DIAPH3: variants seen among roughly 807,000 people sequenced by gnomAD.
The protein encoded by DIAPH3 is protein diaphanous homolog 3.
Under a neutral mutation model 144.3 loss-of-function variants are expected in DIAPH3, and 117 were observed. The ratio of observed to expected loss-of-function variants is 0.81; its 90% CI spans 0.70 to 0.95. The LOEUF (loss-of-function observed/expected upper bound fraction) is 0.95, where lower values mean the gene tolerates loss of function less well. Among genes scored for constraint, DIAPH3 ranks in the 40% least tolerant of loss-of-function variants. The pLI, the probability that DIAPH3 is intolerant of heterozygous loss-of-function variation, is 0.00. For synonymous variants in DIAPH3, 519 were observed against 488.9 expected, an observed-to-expected ratio of 1.06 and a Z score of -0.81; for missense variants, 1,421 against 1,412.7, an observed-to-expected ratio of 1.01 and a Z score of -0.09.
At chr13:60,072,653 G>T (rs971190128) in intron 4 of DIAPH3, among the ~76,000 whole-genome samples, 4 of 151,740 alleles carry the variant, frequency 2.6e-5, no homozygotes, top group South Asian at 4.2e-4. Flanking sequence ...GTTACTAAAG[G>T]TCTCTAACAA....
intron 15 of DIAPH3, 110 bp from the exon 16 acceptor site, chr13:59,971,270 T>A (rs1436768286): frequency 2.0e-6 from 2 of 1,015,796 alleles, no homozygotes; most frequent in African/African-American, 1.6e-5. Flanking sequence ...TAATTACATA[T>A]CAGTAATTTC....
At chr13:59,802,098 A>G (rs1243197035) in intron 25 of DIAPH3, among the ~76,000 whole-genome samples, 2 of 152,216 alleles carry the variant, frequency 1.3e-5, no homozygotes, top group Non-Finnish European at 2.9e-5. Flanking sequence ...GAGAGAACCT[A>G]TTAATAAAAA....
intron 4 of DIAPH3, among the ~76,000 whole-genome samples, chr13:60,073,417 C>T (rs1197602931): frequency 6.6e-6 from 1 of 151,920 alleles, no homozygotes; most frequent in Non-Finnish European, 1.5e-5. Flanking sequence ...AAGAACTTTG[C>T]AAAATGGAAA....
At chr13:59,671,265 T>A (rs2032358979) in intron 27 of DIAPH3, among the ~76,000 whole-genome samples, 2 of 152,194 alleles carry the variant, frequency 1.3e-5, no homozygotes, top group Non-Finnish European at 2.9e-5. Flanking sequence ...GTAGGCCAAT[T>A]CTTTTCATAT....
chr13:59,763,511 C>A (rs1040449674), intron 27 of DIAPH3, among the ~76,000 whole-genome samples: 1 of 151,784 alleles, frequency 6.6e-6, no homozygotes, highest in African/African-American at 2.4e-5. Flanking sequence ...ACTCTGTCTT[C>A]ACAAAAAATA....
intron 20 of DIAPH3, among the ~76,000 whole-genome samples, chr13:59,895,430 GA>G (rs529308484): frequency 0.052 from 3,932 of 75,860 alleles, 92 homozygotes; most frequent in East Asian, 0.15. Flanking sequence ...AATGTTAAAG[GA>G]AAAAAAAAAA....
chr13:60,084,024 A>G (rs1381430797), intron 4 of DIAPH3, among the ~76,000 whole-genome samples: 1 of 151,268 alleles, frequency 6.6e-6, no homozygotes, highest in East Asian at 1.9e-4. Context: ...ATAGATAGAT[A>G]GATAGATAGA....
intron 4 of DIAPH3, among the ~76,000 whole-genome samples, chr13:60,089,776 T>C (rs927380177): frequency 1.3e-5 from 2 of 152,236 alleles, no homozygotes; most frequent in African/African-American, 2.4e-5. Context: ...CAGCGCCTTG[T>C]AGTACCTCTC....
intron 27 of DIAPH3, among the ~76,000 whole-genome samples, chr13:59,714,335 G>A (rs566513923): frequency 6.0e-5 from 8 of 133,998 alleles, no homozygotes; most frequent in Non-Finnish European, 3.1e-5. Context: ...ACTCCAGCCT[G>A]GGCGACAGAG....
At chr13:59,876,101 T>C (rs2044610867) in intron 21 of DIAPH3, among the ~76,000 whole-genome samples, 1 of 152,196 alleles carries the variant, frequency 6.6e-6, no homozygotes, top group Non-Finnish European at 1.5e-5. Context: ...TTTTAACAGA[T>C]TAAAATACTT....
intron 25 of DIAPH3, among the ~76,000 whole-genome samples, chr13:59,799,693 C>T (rs1378109729): frequency 2.0e-5 from 3 of 152,046 alleles, no homozygotes; most frequent in Non-Finnish European, 4.4e-5. Flanking sequence ...ATGTGAATTC[C>T]ATAAATATTT....
chr13:60,042,705 G>A lies in DIAPH3; in HGVS notation c.611C>T (p.Thr204Ile), dbSNP rs1354620114. 6.2e-7 allele frequency: 1 copy of A among 1,613,606 alleles called. No individual in the cohort carries two copies. The highest frequency in any genetic ancestry group is 8.5e-7 in the Non-Finnish European group (1 of 1,179,734). The change falls in exon 5 of 28, where the codon ACC becomes ATC. Residue 204 changes from threonine to isoleucine, a missense_variant. Physicochemically the swap from Thr to Ile is moderately conservative, Grantham distance 89. Coordinates refer to ENST00000400324, the MANE Select transcript of DIAPH3 (RefSeq NM_001042517.2). ...GATGAATTACCTCACAGGATTGCTG[G>A]TCAAAGACACTCGGAGAGACTCCAG... ...TCLESLRVSL[T>I]SNPVSWVESF...
chr13:60,042,058 C>T lies in DIAPH3; in HGVS notation c.626+632G>A, dbSNP rs183850132. On this transcript the variant is annotated intron_variant, in intron 5 of 27. Coordinates refer to ENST00000400324, the MANE Select transcript of DIAPH3 (RefSeq NM_001042517.2). ...TGTCCAGTTTATCAAAATATATTTACACTGATTGTTCAATTTTGTTCACAA... is the reference window on the plus strand; with the variant it reads ...TGTCCAGTTTATCAAAATATATTTATACTGATTGTTCAATTTTGTTCACAA... Among the ~76,000 whole-genome samples, 352 of 152,138 alleles carry T rather than the reference C, an allele frequency of 2.3e-3. 1 individual carries two copies. Among genetic ancestry groups the T allele is most frequent in the African/African-American group, 8.1e-3 (335 of 41,524 alleles).
At chr13:59,673,415 G>A (rs1184492382) in intron 27 of DIAPH3, among the ~76,000 whole-genome samples, 1 of 152,192 alleles carries the variant, frequency 6.6e-6, no homozygotes, top group East Asian at 1.9e-4. Flanking sequence ...TGGAATGTGT[G>A]TAATAAAGAA....
chr13:60,084,195 T>C (rs1175122240), intron 4 of DIAPH3, among the ~76,000 whole-genome samples: 1 of 152,102 alleles, frequency 6.6e-6, no homozygotes, highest in Non-Finnish European at 1.5e-5. Context: ...AAGAAAGGTT[T>C]AGCATGGGAC....
At chr13:59,929,554 CTTTTTTTTTTTTT>C (rs1167902415) in intron 17 of DIAPH3, among the ~76,000 whole-genome samples, 3 of 56,090 alleles carry the variant, frequency 5.3e-5, no homozygotes, top group South Asian at 6.4e-4. Flanking sequence ...AAATTTTGTT[CTTTTTTTTTTTTT>C]TTTTTTTTTT....
chr13:60,088,385 C>T (rs1377650186), intron 4 of DIAPH3, among the ~76,000 whole-genome samples: 2 of 152,128 alleles, frequency 1.3e-5, no homozygotes, highest in Admixed American at 6.5e-5. Flanking sequence ...TCCTATCTAT[C>T]TCTCAAACTT....
intron 25 of DIAPH3, among the ~76,000 whole-genome samples, chr13:59,802,753 C>T (rs2040003450): frequency 7.7e-6 from 1 of 129,708 alleles, no homozygotes; most frequent in African/African-American, 2.8e-5. Context: ...GCAATCTCGG[C>T]TCACTGCAAG....
chr13:59,919,944 AT>A (rs1374257214), intron 18 of DIAPH3, among the ~76,000 whole-genome samples: 1 of 151,990 alleles, frequency 6.6e-6, no homozygotes, highest in African/African-American at 2.4e-5. Flanking sequence ...ATGTAGTTTT[AT>A]TTTTTATAAG....
Sources: gnomAD v4.1 joint callset for allele counts (sites outside exome capture counted in the v4.1 genomes callset) on GRCh38, gnomAD v4.1.1 for gene constraint, MANE v1.5 for transcripts, NCBI Gene and HGNC (gene_info 2026-07-23, HGNC 2026-07-21) for gene names.